Variants in KCNQ3 observed in about 807,000 individuals in gnomAD.
KCNQ3 encodes the protein potassium voltage-gated channel subfamily Q member 3.
In KCNQ3, 30 loss-of-function variants were observed where a neutral mutation model predicts 92.5. That is an observed-to-expected ratio of 0.32 (90% CI 0.24 to 0.44). The LOEUF (loss-of-function observed/expected upper bound fraction) is 0.44. Ranked by LOEUF, KCNQ3 falls within the 20% of genes least tolerant of loss-of-function variation. The pLI, the probability that KCNQ3 is intolerant of heterozygous loss-of-function variation, is 1.00. For synonymous variants in KCNQ3, 450 were observed against 468.8 expected, an observed-to-expected ratio of 0.96 and a Z score of 0.52; for missense variants, 913 against 1,140.3, an observed-to-expected ratio of 0.80 and a Z score of 2.87.
intron 2 of KCNQ3, among the ~76,000 whole-genome samples, chr8:132,184,932 T>G (rs1487274940): frequency 6.6e-6 from 1 of 152,218 alleles, no homozygotes; most frequent in African/African-American, 2.4e-5. Flanking sequence ...AGAAGGGATC[T>G]CAGGCTCAAG....
intron 1 of KCNQ3, among the ~76,000 whole-genome samples, chr8:132,217,817 A>G (rs1409147331): frequency 6.6e-6 from 1 of 152,088 alleles, no homozygotes; most frequent in Non-Finnish European, 1.5e-5. Flanking sequence ...GCTCCAACTA[A>G]TAGCTAACAA....
intron 1 of KCNQ3, among the ~76,000 whole-genome samples, chr8:132,411,756 T>C (rs1312970943): frequency 6.6e-6 from 1 of 152,152 alleles, no homozygotes; most frequent in Non-Finnish European, 1.5e-5. Flanking sequence ...AATGAGATCA[T>C]TCCTGGACTC....
chr8:132,196,372 C>T (rs1312986956), intron 1 of KCNQ3, among the ~76,000 whole-genome samples: 2 of 152,196 alleles, frequency 1.3e-5, no homozygotes, highest in African/African-American at 4.8e-5. Context: ...TTTGTGCATT[C>T]CCATAGGATT....
rs1814662431 is a variant in KCNQ3 at position 132,232,076 on chromosome 8, A to G, written c.387-45895T>C. On this transcript the variant is annotated intron_variant, in intron 1 of 14. Coordinates refer to ENST00000388996, the MANE Select transcript of KCNQ3 (RefSeq NM_004519.4). ...TTGGTCACCCACCAAGGAAATGGAGACACCTGGATTTAAGTCCTAGACAAA... is the reference window on the plus strand; with the variant it reads ...TTGGTCACCCACCAAGGAAATGGAGGCACCTGGATTTAAGTCCTAGACAAA... Among the ~76,000 whole-genome samples, 4 of 152,200 alleles carry G rather than the reference A, an allele frequency of 2.6e-5. No individual in the cohort carries two copies. The South Asian group carries it at 8.3e-4, about 32-fold the overall frequency.
At chr8:132,362,385 G>A (rs1468856594) in intron 1 of KCNQ3, among the ~76,000 whole-genome samples, 1 of 152,040 alleles carries the variant, frequency 6.6e-6, no homozygotes, top group African/African-American at 2.4e-5. Context: ...GTGCCTTAAG[G>A]ACCTGCCAAA....
chr8:132,261,324 AC>A (rs1192981085), intron 1 of KCNQ3, among the ~76,000 whole-genome samples: 1 of 152,004 alleles, frequency 6.6e-6, no homozygotes, highest in Non-Finnish European at 1.5e-5. Flanking sequence ...CTGCCTCTCT[AC>A]CCCAGTCAAG....
intron 1 of KCNQ3, among the ~76,000 whole-genome samples, chr8:132,358,457 C>A (rs1256449639): frequency 6.6e-6 from 1 of 152,296 alleles, no homozygotes. Flanking sequence ...AAGAAGTCAA[C>A]CAAAGAAGGC....
intron 9 of KCNQ3, among the ~76,000 whole-genome samples, chr8:132,145,070 T>C (rs1390748782): frequency 6.6e-6 from 1 of 152,168 alleles, no homozygotes; most frequent in East Asian, 1.9e-4. Flanking sequence ...GATATAATAA[T>C]GGGGAGCACT....
At chr8:132,155,246 T>C (rs1322427034) in intron 9 of KCNQ3, among the ~76,000 whole-genome samples, 1 of 152,164 alleles carries the variant, frequency 6.6e-6, no homozygotes, top group Admixed American at 6.5e-5. Flanking sequence ...TCTTCAGGGC[T>C]GACAAAAAGC....
chr8:132,440,146 G>A (rs1821498578), intron 1 of KCNQ3, among the ~76,000 whole-genome samples: 2 of 152,148 alleles, frequency 1.3e-5, no homozygotes, highest in African/African-American at 2.4e-5. Context: ...TTTTATTGCT[G>A]TATTGTTCAT....
chr8:132,348,419 AG>A (rs1236362383), intron 1 of KCNQ3, among the ~76,000 whole-genome samples: 1 of 152,120 alleles, frequency 6.6e-6, no homozygotes, highest in African/African-American at 2.4e-5. Flanking sequence ...CCTGCAACTG[AG>A]GGTTTCTCTG....
intron 8 of KCNQ3, among the ~76,000 whole-genome samples, chr8:132,164,582 C>G (rs928669761): frequency 6.6e-6 from 1 of 152,126 alleles, no homozygotes; most frequent in African/African-American, 2.4e-5. Flanking sequence ...CCCATTTCCC[C>G]GCGAGCACAA....
chr8:132,295,063 T>A (rs1002257721), intron 1 of KCNQ3, among the ~76,000 whole-genome samples: 3 of 152,344 alleles, frequency 2.0e-5, no homozygotes, highest in Admixed American at 6.5e-5. Flanking sequence ...AAAGAGCTTC[T>A]GCACAGCAAA....
intron 1 of KCNQ3, among the ~76,000 whole-genome samples, chr8:132,303,306 T>C (rs1284601223): frequency 6.6e-6 from 1 of 151,958 alleles, no homozygotes. Flanking sequence ...AGTGACTCAG[T>C]TCCTGTCCTC....
At chr8:132,399,514 C>T (rs1314637386) in intron 1 of KCNQ3, among the ~76,000 whole-genome samples, 3 of 152,130 alleles carry the variant, frequency 2.0e-5, no homozygotes, top group Middle Eastern at 3.2e-3. Context: ...AGGGAAAAAG[C>T]GCCCTCCACC....
intron 1 of KCNQ3, among the ~76,000 whole-genome samples, chr8:132,384,269 CTG>C (rs1174160820): frequency 5.3e-5 from 8 of 152,322 alleles, no homozygotes; most frequent in African/African-American, 1.9e-4. Flanking sequence ...TCTCCTAGTA[CTG>C]TGTCTGGTAG....
In KCNQ3 at chr8:132,235,954, G is replaced by A. The variant is rs78689819; in HGVS notation, c.387-49773C>T. Among the ~76,000 whole-genome samples the A allele has an allele frequency of 1.3e-4, 20 of 152,312 alleles. No homozygotes were observed. The East Asian group carries it at 2.5e-3, about 19-fold the overall frequency. On this transcript the variant is annotated intron_variant, in intron 1 of 14. Transcript: ENST00000388996. ...ACATGACTTGGCATGTGCTCTTGGCGGGAGTGGGCTCCATGCTGGGCTTCT... is the reference window on the plus strand; with the variant it reads ...ACATGACTTGGCATGTGCTCTTGGCAGGAGTGGGCTCCATGCTGGGCTTCT...
At chr8:132,198,545 C>T (rs529628442) in intron 1 of KCNQ3, among the ~76,000 whole-genome samples, 2 of 152,298 alleles carry the variant, frequency 1.3e-5, no homozygotes, top group South Asian at 4.1e-4. Flanking sequence ...CACAGTGGCT[C>T]ATGCCTGTAA....
At position 132,129,537 on chromosome 8, in the gene KCNQ3, T is replaced by C. The variant is rs1391097567; in HGVS notation, c.2344A>G (p.Ile782Val). ...DRISPRQRRS[I>V]TRDSDTPLSL... ...AGAGGTGTGTCACTGTCTCGCGTGA[T>C]GCTACGTCTCTGCCGGGGGGAGATT... Residue 782 changes from isoleucine to valine, a missense_variant, in exon 15 of 15, where the codon ATC (isoleucine) becomes GTC (valine). Transcript: ENST00000388996. The surrounding 1 kb of genome is among the most constrained non-coding windows in gnomAD (Gnocchi z 5.9). The C allele has an allele frequency of 4.3e-6, 7 of 1,614,080 alleles. No homozygotes were observed. The highest frequency in any genetic ancestry group is 1.3e-5 in the African/African-American group (1 of 74,938).
Sources: allele counts gnomAD v4.1 joint callset (sites outside exome capture counted in the v4.1 genomes callset), GRCh38; gene constraint gnomAD v4.1.1; non-coding constraint Gnocchi (gnomAD v3.1); transcripts MANE v1.5; gene names NCBI Gene and HGNC (gene_info 2026-07-23, HGNC 2026-07-21).